PRDM15: variants seen among roughly 807,000 people sequenced by gnomAD.
The protein encoded by PRDM15 is PR/SET domain 15.
In PRDM15, 64 loss-of-function variants were observed where a neutral mutation model predicts 128.6. The ratio of observed to expected loss-of-function variants is 0.50; its 90% CI spans 0.41 to 0.61. The LOEUF (loss-of-function observed/expected upper bound fraction) is 0.61, where lower values mean the gene tolerates loss of function less well. Among genes scored for constraint, PRDM15 ranks in the 20% least tolerant of loss-of-function variants. The pLI, the probability that PRDM15 is intolerant of heterozygous loss-of-function variation, is 0.00. For missense variants in PRDM15, 1,242 were observed against 1,569.1 expected, an observed-to-expected ratio of 0.79 and a Z score of 3.52; for synonymous variants, 615 against 621.8, an observed-to-expected ratio of 0.99 and a Z score of 0.16.
At chr21:41,850,905 C>G (rs1041210245) in intron 5 of PRDM15, among the ~76,000 whole-genome samples, 1 of 152,178 alleles carries the variant, frequency 6.6e-6, no homozygotes, top group Non-Finnish European at 1.5e-5. Context: ...GATTTCTACA[C>G]GAAGATGCAT....
At chr21:41,876,899 T>A (rs1226156370) in intron 1 of PRDM15, among the ~76,000 whole-genome samples, 13 of 152,014 alleles carry the variant, frequency 8.6e-5, no homozygotes, top group Non-Finnish European at 5.9e-5. Context: ...TGATGCCAGC[T>A]CCATTCCCCA....
rs1251677599 is a variant in PRDM15 at position 41,801,295 on chromosome 21, G to A, written c.3371C>T (p.Ala1124Val). 23 of 1,559,510 alleles carry A rather than the reference G, an allele frequency of 1.5e-5. No individual in the cohort carries two copies. The highest frequency in any genetic ancestry group is 2.7e-5 in the African/African-American group (2 of 73,584). The change falls in exon 24 of 24, where the codon GCG becomes GTG. Residue 1124 changes from alanine to valine, a missense_variant. Transcript: ENST00000398548. ...PSQPQAPPQQ[A>V]AQPQVQAEQQ... ...CTCCGCCTGCACCTGGGGCTGGGCC[G>A]CCTGCTGTGGGGGTGCCTGCGGCTG...
At chr21:41,840,683 A>T (rs1381143227) in intron 6 of PRDM15, among the ~76,000 whole-genome samples, 2 of 152,160 alleles carry the variant, frequency 1.3e-5, no homozygotes, top group African/African-American at 4.8e-5. Flanking sequence ...CAGCAGACAC[A>T]TACACACAAA....
At position 41,811,097 on chromosome 21, in the gene PRDM15, G is replaced by A. The variant is rs1270420523; in HGVS notation, c.2393-261C>T. 1 of 469,204 alleles carries A rather than the reference G, an allele frequency of 2.1e-6. No individual in the cohort carries two copies. The highest frequency in any genetic ancestry group is 1.9e-5 in the African/African-American group (1 of 51,494). 29.1% of individuals were successfully genotyped at this position (469,204 alleles called of 1,614,324 possible). A position where few individuals can be genotyped will look rare whatever the true frequency, so the allele number is the denominator to read the frequency against. On this transcript the variant is annotated intron_variant, in intron 19 of 23. Transcript: ENST00000398548. The surrounding 1 kb of genome is among the most constrained non-coding windows in gnomAD (Gnocchi z 4.1). ...GGCTGTCTGAAAACACAGACAGAAA[G>A]TGGAACCCACATGTGGACAAGCAGA...
chr21:41,838,071 A>G lies in PRDM15; in HGVS notation c.872-8T>C. ...TGATCTCTGCCACTTGCTCTGTACG[A>G]AGGGGATGTGACAAGCTAAGTAACC... On this transcript the variant is annotated splice_region_variant and splice_polypyrimidine_tract_variant and intron_variant, in intron 7 of 23. Transcript: ENST00000398548. 1 of 1,613,690 alleles carries G rather than the reference A, an allele frequency of 6.2e-7. No homozygotes were observed. The highest frequency in any genetic ancestry group is 8.5e-7 in the Non-Finnish European group (1 of 1,179,880).
intron 16 of PRDM15, among the ~76,000 whole-genome samples, 188 bp from the exon 17 acceptor site, chr21:41,820,362 T>C (rs73375545): frequency 0.069 from 10,456 of 152,270 alleles, 420 homozygotes; most frequent in South Asian, 0.12. Context: ...CATCGAAGTC[T>C]TAACCCCGGC....
chr21:41,822,123 T>C, intron 14 of PRDM15, 86 bp from the exon 15 acceptor site: 1 of 1,573,492 alleles, frequency 6.4e-7, no homozygotes, highest in South Asian at 1.1e-5. Context: ...ACCAATCATT[T>C]CCCCAGATGC....
intron 13 of PRDM15, among the ~76,000 whole-genome samples, chr21:41,824,628 G>A (rs1201376419): frequency 1.3e-5 from 2 of 152,302 alleles, no homozygotes; most frequent in East Asian, 1.9e-4. Context: ...GACTGGGGAC[G>A]GGGGATAAGG....
chr21:41,829,573 A>AACAG (rs1169379545), intron 11 of PRDM15, among the ~76,000 whole-genome samples: 3 of 119,604 alleles, frequency 2.5e-5, no homozygotes, highest in Non-Finnish European at 5.4e-5. Flanking sequence ...ACAACCCACA[A>AACAG]ACAGACATTC....
chr21:41,850,761 AC>A (rs1278545276), intron 5 of PRDM15, among the ~76,000 whole-genome samples: 2 of 152,108 alleles, frequency 1.3e-5, no homozygotes, highest in African/African-American at 2.4e-5. Context: ...AAAAGATGGA[AC>A]TAGAAAAGTA....
intron 11 of PRDM15, among the ~76,000 whole-genome samples, chr21:41,830,785 C>T (rs184274956): frequency 6.6e-6 from 1 of 152,362 alleles, no homozygotes; most frequent in Non-Finnish European, 1.5e-5. Context: ...CAGACCTCAT[C>T]TCCAGCCCCT....
intron 1 of PRDM15, chr21:41,874,671 C>T (rs959922830): frequency 3.3e-5 from 5 of 151,894 alleles, no homozygotes; most frequent in Admixed American, 2.0e-4. Flanking sequence ...GCCCCACCCA[C>T]ATCAAGAATT....
chr21:41,855,473 A>G (rs1428387681), intron 4 of PRDM15, among the ~76,000 whole-genome samples: 1 of 152,298 alleles, frequency 6.6e-6, no homozygotes, highest in East Asian at 1.9e-4. Context: ...CCCTGCAGGA[A>G]GAGAGCTCTC....
At chr21:41,829,612 C>T (rs1339379058) in intron 11 of PRDM15, among the ~76,000 whole-genome samples, 1 of 151,348 alleles carries the variant, frequency 6.6e-6, no homozygotes, top group African/African-American at 2.4e-5. Context: ...TATCACACAC[C>T]ACACAAATAC....
intron 5 of PRDM15, among the ~76,000 whole-genome samples, chr21:41,847,777 C>T (rs1036780480): frequency 6.6e-6 from 1 of 152,184 alleles, no homozygotes; most frequent in African/African-American, 2.4e-5. Flanking sequence ...TAAGTTTGAA[C>T]TTAATTTTAA....
intron 16 of PRDM15, among the ~76,000 whole-genome samples, chr21:41,820,765 T>C (rs905356733): frequency 3.3e-5 from 5 of 152,188 alleles, no homozygotes; most frequent in South Asian, 2.1e-4. Flanking sequence ...ATTAATGAAA[T>C]CTAATTGTTG....
intron 18 of PRDM15, among the ~76,000 whole-genome samples, chr21:41,816,821 C>G (rs1014377040): frequency 2.0e-5 from 3 of 151,704 alleles, no homozygotes; most frequent in Middle Eastern, 3.2e-3. Flanking sequence ...CGGGTGGGGA[C>G]GGCACCTGCA....
rs1191561219 is a variant in PRDM15, at chr21:41,861,956, A to G, written c.-9-1584T>C. 1.9e-6 allele frequency: 3 copies of G among 1,613,932 alleles called. No homozygotes were observed. The African/African-American group carries it at 4.0e-5, about 22-fold the overall frequency. On this transcript the variant is annotated intron_variant, in intron 1 of 23. Coordinates refer to ENST00000398548, the MANE Select transcript of PRDM15 (RefSeq NM_001040424.3). ...GTTCAAAGGTATCTCGTGCGGCTCTAGCAAGTGTGACTCAGTTTCATAGCC... is the reference window on the plus strand; with the variant it reads ...GTTCAAAGGTATCTCGTGCGGCTCTGGCAAGTGTGACTCAGTTTCATAGCC...
Position 41,832,038 on chromosome 21 carries a change from G to T in PRDM15, c.1366+3399C>A, listed in dbSNP as rs551575222. Among the ~76,000 whole-genome samples, 3 of 152,312 alleles carry T rather than the reference G, an allele frequency of 2.0e-5. No individual in the cohort carries two copies. The South Asian group carries it at 6.2e-4, about 32-fold the overall frequency. ...GGGCTCTGTCCGGATCCACACGACC[G>T]CATGGTATGTGTCCTTCACACACTG... On this transcript the variant is annotated intron_variant, in intron 11 of 23. Coordinates refer to ENST00000398548, the MANE Select transcript of PRDM15 (RefSeq NM_001040424.3). This position sits in a 1 kb window ranked among gnomAD's most constrained non-coding sequence, Gnocchi z 4.2.
Sources: gnomAD v4.1 joint callset for allele counts (sites outside exome capture counted in the v4.1 genomes callset) on GRCh38, gnomAD v4.1.1 for gene constraint, Gnocchi (gnomAD v3.1) non-coding constraint, MANE v1.5 for transcripts, NCBI Gene and HGNC (gene_info 2026-07-23, HGNC 2026-07-21) for gene names.